The following CCDC83 variants were observed in gnomAD, a reference collection of about 807,000 sequenced individuals.
The protein encoded by CCDC83 is coiled-coil domain containing 83, also known as coiled-coil domain-containing protein 83.
Under a neutral mutation model 50.1 loss-of-function variants are expected in CCDC83, and 54 were observed. That is an observed-to-expected ratio of 1.08 (90% CI 0.87 to 1.35). The LOEUF (loss-of-function observed/expected upper bound fraction) is 1.35, where lower values mean the gene tolerates loss of function less well. CCDC83 is among the 40% of genes most tolerant of loss of function. CCDC83 has a pLI of 0.00. For synonymous variants in CCDC83, 161 were observed against 153.3 expected (o/e 1.05, Z -0.37); for missense variants, 518 against 473.9 (o/e 1.09, Z -0.86).
chr11:85,879,335 C>CT (rs1021081573), intron 3 of CCDC83, among the ~76,000 whole-genome samples: 10 of 149,524 alleles, frequency 6.7e-5, no homozygotes, highest in South Asian at 2.1e-4. Context: ...CAAGATTCTT[C>CT]TTTTTTTTTT....
At chr11:85,902,816 C>G (rs1439003086) in intron 7 of CCDC83, among the ~76,000 whole-genome samples, 1 of 152,114 alleles carries the variant, frequency 6.6e-6, no homozygotes, top group African/African-American at 2.4e-5. Flanking sequence ...CTGCAGAGCC[C>G]ATGTTTATAC....
At position 85,886,246 on chromosome 11, in the gene CCDC83, A is replaced by G. The variant is rs1780647721; in HGVS notation, c.390A>G (p.Lys130=). The change falls in exon 5 of 11, where the codon AAA becomes AAG. Residue 130 remains lysine (K), a synonymous_variant. Transcript: ENST00000342404. ...ISNAEKLFLE[K]LSEKEYWEEY... ...ATGCTGAGAAACTATTTCTTGAGAAACTCAGTGAAAAGGAATATTGGGAGG... is the reference window on the plus strand; with the variant it reads ...ATGCTGAGAAACTATTTCTTGAGAAGCTCAGTGAAAAGGAATATTGGGAGG... 6.2e-7 allele frequency: 1 copy of G among 1,601,754 alleles called. No individual in the cohort carries two copies.
chr11:85,883,698 A>G (rs547488382), intron 4 of CCDC83, among the ~76,000 whole-genome samples: 1 of 152,304 alleles, frequency 6.6e-6, no homozygotes, highest in Non-Finnish European at 1.5e-5. Flanking sequence ...GGAAAACATG[A>G]GAAAGAGACC....
At chr11:85,918,435 G>C (rs2093492698) in intron 10 of CCDC83, among the ~76,000 whole-genome samples, 1 of 152,198 alleles carries the variant, frequency 6.6e-6, no homozygotes, top group African/African-American at 2.4e-5. Flanking sequence ...CGTGTCAAAG[G>C]AATTAAAAAG....
intron 6 of CCDC83, 129 bp from the exon 7 acceptor site, chr11:85,898,818 T>A: frequency 4.3e-6 from 3 of 702,350 alleles, no homozygotes; most frequent in Non-Finnish European, 7.5e-6. Context: ...CCAAAAGTTC[T>A]TAAGTATGTT....
At position 85,886,350 on chromosome 11, in the gene CCDC83, A is replaced by G. The variant is rs2093326922; in HGVS notation, c.494A>G (p.Asn165Ser). The stretch of plus-strand genomic sequence containing the variant: ...AATGACATCAACACAGTTAAAGAGA[A>G]TGCAGAGAAAATGTCAGGTCAGTTG... ...LQNDINTVKE[N>S]AEKMSEHYKI... Residue 165 changes from asparagine (N) to serine (S), a missense_variant, in exon 5 of 11, where the codon AAT becomes AGT. Physicochemically the swap from Asn to Ser is conservative, Grantham distance 46. Coordinates refer to ENST00000342404, the MANE Select transcript of CCDC83 (RefSeq NM_001286159.2). 6.3e-7 allele frequency: 1 copy of G among 1,590,934 alleles called. No homozygotes were observed. Among genetic ancestry groups the G allele is most frequent in the Non-Finnish European group, 8.5e-7 (1 of 1,171,990 alleles).
At chr11:85,876,636 C>G (rs2093270766) in intron 3 of CCDC83, among the ~76,000 whole-genome samples, 1 of 152,204 alleles carries the variant, frequency 6.6e-6, no homozygotes, top group Non-Finnish European at 1.5e-5. Context: ...ACCCAAATAG[C>G]TGGGATTACA....
intron 8 of CCDC83, 35 bp from the exon 9 acceptor site, chr11:85,915,384 G>T (rs2135150123): frequency 6.9e-7 from 1 of 1,448,182 alleles, no homozygotes; most frequent in South Asian, 1.2e-5. Context: ...AATATTTATT[G>T]ACTGACAGAT....
chr11:85,886,622 T>C (rs1258432457), intron 5 of CCDC83, among the ~76,000 whole-genome samples: 1 of 152,100 alleles, frequency 6.6e-6, no homozygotes, highest in African/African-American at 2.4e-5. Context: ...CCAAGTGACT[T>C]TAAGAAAGAC....
At chr11:85,875,798 T>C (rs745812261) in intron 3 of CCDC83, among the ~76,000 whole-genome samples, 7 of 152,210 alleles carry the variant, frequency 4.6e-5, no homozygotes, top group African/African-American at 1.7e-4. Flanking sequence ...CTACACATCA[T>C]CTCTTCCTAT....
intron 2 of CCDC83, among the ~76,000 whole-genome samples, chr11:85,870,924 C>T (rs1232225546): frequency 3.3e-5 from 5 of 151,794 alleles, no homozygotes; most frequent in Non-Finnish European, 7.4e-5. Context: ...CCTAGCACTT[C>T]GGGAGGCTGA....
chr11:85,913,542 A>C (rs1031561563), intron 8 of CCDC83, among the ~76,000 whole-genome samples: 4 of 152,222 alleles, frequency 2.6e-5, no homozygotes, highest in Non-Finnish European at 5.9e-5. Flanking sequence ...TTGAGAATTA[A>C]GTTTTGTAAA....
intron 7 of CCDC83, among the ~76,000 whole-genome samples, chr11:85,900,700 TAAC>T (rs1205665802): frequency 1.3e-5 from 2 of 152,012 alleles, no homozygotes; most frequent in African/African-American, 4.8e-5. Flanking sequence ...AAATAAACAA[TAAC>T]AACAAAAACA....
At position 85,886,337 on chromosome 11, in the gene CCDC83, A is replaced by G. The variant is rs1336048270; in HGVS notation, c.481A>G (p.Thr161Ala). 13 of 1,604,084 alleles carry G rather than the reference A, an allele frequency of 8.1e-6. No homozygotes were observed. The highest frequency in any genetic ancestry group is 1.1e-5 in the Non-Finnish European group (13 of 1,176,964). The change falls in exon 5 of 11, where the codon ACA becomes GCA. Residue 161 changes from threonine to alanine, a missense_variant. Physicochemically the swap from Thr to Ala is moderately conservative, Grantham distance 58. Transcript: ENST00000342404. ...TACCTCCTTACAAAATGACATCAAC[A>G]CAGTTAAAGAGAATGCAGAGAAAAT... ...LITSLQNDIN[T>A]VKENAEKMSE...
chr11:85,906,540 A>G (rs1417788314), intron 7 of CCDC83, among the ~76,000 whole-genome samples: 3 of 152,190 alleles, frequency 2.0e-5, no homozygotes, highest in Non-Finnish European at 4.4e-5. Flanking sequence ...GACAGAAAAA[A>G]AAGTCTAAGT....
rs538780626 is a variant in CCDC83, at chr11:85,860,027, G to A, written c.-29+4443G>A. Among the ~76,000 whole-genome samples, 74 of 152,250 alleles carry A rather than the reference G, an allele frequency of 4.9e-4. No individual in the cohort carries two copies. In the Middle Eastern group the frequency reaches 0.01, roughly 21 times the overall value. On this transcript the variant is annotated intron_variant, in intron 1 of 10. Transcript: ENST00000342404. ...GGACAGGCTGGGTGTGGTGGCTCCC[G>A]CCTGTAATCCCAGCACTTTGGGAGG...
At chr11:85,904,306 G>C (rs2093415598) in intron 7 of CCDC83, among the ~76,000 whole-genome samples, 2 of 152,174 alleles carry the variant, frequency 1.3e-5, no homozygotes, top group Non-Finnish European at 2.9e-5. Context: ...TGGAGAAGTA[G>C]GTCTGGCCCA....
chr11:85,867,121 TTA>T (rs2093211906), intron 2 of CCDC83, among the ~76,000 whole-genome samples: 2 of 152,122 alleles, frequency 1.3e-5, no homozygotes, highest in Non-Finnish European at 2.9e-5. Flanking sequence ...AGTAGCCTGA[TTA>T]TAGCTCATTG....
rs563618560 is a variant in CCDC83 at position 85,919,386 on chromosome 11, T to C, written c.1118T>C (p.Met373Thr). 1.9e-6 allele frequency: 3 copies of C among 1,613,252 alleles called. No individual in the cohort carries two copies. In the African/African-American group the frequency reaches 4.0e-5, roughly 22 times the overall value. ...VNLGPLGVKL[M>T]SVESKKMPIH... is the part of the protein sequence containing the mutation. ...TTGGGCCCCCTGGGAGTGAAGCTTA[T>C]GAGTGTGGAGAGCAAGAAAATGCCC... Residue 373 changes from methionine to threonine, a missense_variant, in exon 11 of 11, where the codon ATG becomes ACG. Coordinates refer to ENST00000342404, the MANE Select transcript of CCDC83 (RefSeq NM_001286159.2).
Sources: gnomAD v4.1 joint callset for allele counts (sites outside exome capture counted in the v4.1 genomes callset) on GRCh38, gnomAD v4.1.1 for gene constraint, MANE v1.5 for transcripts, NCBI Gene and HGNC (gene_info 2026-07-23, HGNC 2026-07-21) for gene names.